BPNT1: variants seen among roughly 807,000 people sequenced by gnomAD.
BPNT1 encodes the protein 3'(2'),5'-bisphosphate nucleotidase 1.
In BPNT1, 28 loss-of-function variants were observed where a neutral mutation model predicts 36.9. That is an observed-to-expected ratio of 0.76 (90% CI 0.56 to 1.04). BPNT1 has a LOEUF of 1.04. BPNT1 is among the 50% of genes least tolerant of loss of function. The pLI is 0.00. For synonymous variants in BPNT1, 119 were observed against 130.9 expected (o/e 0.91, Z 0.62); for missense variants, 313 against 372.9 (o/e 0.84, Z 1.32).
intron 6 of BPNT1, among the ~76,000 whole-genome samples, chr1:220,065,807 C>T (rs1663482685): frequency 6.6e-6 from 1 of 152,142 alleles, no homozygotes; most frequent in African/African-American, 2.4e-5. Flanking sequence ...AAAATTGAAT[C>T]TTTAGCCTGA....
At chr1:220,062,978 A>G (rs755318945) in intron 6 of BPNT1, 24 bp from the exon 7 acceptor site, 2 of 1,609,474 alleles carry the variant, frequency 1.2e-6, no homozygotes, top group Non-Finnish European at 1.7e-6. Flanking sequence ...TGAAACAACA[A>G]GACTTGTGGT....
intron 6 of BPNT1, chr1:220,066,086 C>A: frequency 6.6e-7 from 1 of 1,523,838 alleles, no homozygotes; most frequent in South Asian, 1.2e-5. Context: ...TGCTTCATTC[C>A]TGTGTTCCCT....
At chr1:220,085,073 TAA>T (rs558004798) in intron 1 of BPNT1, among the ~76,000 whole-genome samples, 21 of 141,014 alleles carry the variant, frequency 1.5e-4, no homozygotes, top group Admixed American at 2.1e-4. Context: ...GGTTCTTGGT[TAA>T]AAAAAAAAAA....
intron 1 of BPNT1, among the ~76,000 whole-genome samples, chr1:220,088,866 G>A (rs1417460725): frequency 2.0e-5 from 3 of 151,304 alleles, no homozygotes; most frequent in Admixed American, 6.6e-5. Flanking sequence ...TTGGGAGGCC[G>A]AGACGGGCAG....
chr1:220,086,901 G>A (rs987340880), intron 1 of BPNT1, among the ~76,000 whole-genome samples: 5 of 151,150 alleles, frequency 3.3e-5, no homozygotes, highest in Non-Finnish European at 7.4e-5. Context: ...AAAAAAATGA[G>A]CCGGGCATAT....
Position 220,073,534 on chromosome 1 carries a change from C to T in BPNT1, c.225+433G>A, listed in dbSNP as rs187466874. Among the ~76,000 whole-genome samples the T allele has an allele frequency of 5.9e-5, 9 of 152,258 alleles. No homozygotes were observed. The East Asian group carries it at 9.7e-4, about 16-fold the overall frequency. On this transcript the variant is annotated intron_variant, in intron 3 of 8. Coordinates refer to ENST00000322067, the MANE Select transcript of BPNT1 (RefSeq NM_006085.6). ...GTCTTGAACTCCTGACCTCGTGATT[C>T]GCCCGCCTCAGCCTCCCAAAGTGCT...
intron 1 of BPNT1, among the ~76,000 whole-genome samples, chr1:220,086,357 G>A (rs1250309483): frequency 5.9e-5 from 9 of 151,988 alleles, no homozygotes; most frequent in Admixed American, 1.3e-4. Context: ...TGCAACTTCC[G>A]CCCCCTAGAG....
chr1:220,081,254 G>A (rs1037253279), intron 1 of BPNT1, among the ~76,000 whole-genome samples: 1 of 152,046 alleles, frequency 6.6e-6, no homozygotes, highest in African/African-American at 2.4e-5. Flanking sequence ...TTGAACATAT[G>A]AATTCAGGCC....
At chr1:220,086,698 C>T (rs1444303813) in intron 1 of BPNT1, among the ~76,000 whole-genome samples, 1 of 150,546 alleles carries the variant, frequency 6.6e-6, no homozygotes, top group Non-Finnish European at 1.5e-5. Context: ...GCCTCAGCCT[C>T]TTGAGTAGCT....
chr1:220,078,425 T>C (rs1176614776), intron 2 of BPNT1, among the ~76,000 whole-genome samples: 2 of 141,352 alleles, frequency 1.4e-5, no homozygotes, highest in Admixed American at 7.6e-5. Flanking sequence ...TAATAATAAA[T>C]AATAATTATA....
At chr1:220,068,717 G>A (rs373615818) in intron 5 of BPNT1, among the ~76,000 whole-genome samples, 3 of 152,090 alleles carry the variant, frequency 2.0e-5, no homozygotes, top group African/African-American at 7.2e-5. Flanking sequence ...AGGTGAGGCA[G>A]GAGAACAGCT....
At chr1:220,064,692 A>G (rs1232216105) in intron 6 of BPNT1, among the ~76,000 whole-genome samples, 1 of 152,208 alleles carries the variant, frequency 6.6e-6, no homozygotes, top group East Asian at 1.9e-4. Context: ...CATATGGGGC[A>G]ACAAAGGAGC....
intron 1 of BPNT1, among the ~76,000 whole-genome samples, chr1:220,082,303 C>CGTGAGTA (rs1558102223): frequency 6.6e-6 from 1 of 151,254 alleles, no homozygotes; most frequent in East Asian, 2.0e-4. Flanking sequence ...GCCTCAGCCT[C>CGTGAGTA]GTGAGTAGCT....
Position 220,062,884 on chromosome 1 carries a change from A to G in BPNT1, c.545T>C (p.Leu182Pro). ...VLGLGAFGFQ[L>P]KEVPAGKHII... Reference sequence around the variant, plus strand: ...GTGTTTCCCAGCAGGGACTTCTTTCAGCTGAAACCCAAAGGCGCCTAAACC... The same window carrying G: ...GTGTTTCCCAGCAGGGACTTCTTTCGGCTGAAACCCAAAGGCGCCTAAACC... The change falls in exon 7 of 9, where the codon CTG becomes CCG. Residue 182 changes from leucine (L) to proline (P), a missense_variant. Transcript: ENST00000322067. 6.2e-7 allele frequency: 1 copy of G among 1,614,108 alleles called. No homozygotes were observed. The highest frequency in any genetic ancestry group is 1.6e-4 in the Middle Eastern group (1 of 6,062).
chr1:220,070,491 G>A (rs58786632), intron 4 of BPNT1, among the ~76,000 whole-genome samples: 13,674 of 151,696 alleles, frequency 0.09, 794 homozygotes, highest in East Asian at 0.19. Flanking sequence ...GACTACAGGC[G>A]CCTGCCACCA....
intron 2 of BPNT1, among the ~76,000 whole-genome samples, chr1:220,076,498 C>A (rs1295904605): frequency 2.4e-5 from 3 of 124,912 alleles, no homozygotes; most frequent in Admixed American, 8.3e-5. Flanking sequence ...AAGACTCCAT[C>A]TCAAAAAAAA....
At chr1:220,060,316 A>G (rs1434056684) in intron 7 of BPNT1, among the ~76,000 whole-genome samples, 1 of 152,140 alleles carries the variant, frequency 6.6e-6, no homozygotes, top group Non-Finnish European at 1.5e-5. Context: ...CTCTACTAAA[A>G]ATACAAAAAA....
intron 3 of BPNT1, among the ~76,000 whole-genome samples, chr1:220,073,750 A>T (rs1005999422): frequency 6.6e-6 from 1 of 152,178 alleles, no homozygotes; most frequent in Non-Finnish European, 1.5e-5. Context: ...CATATCTTCT[A>T]TGGTCAATAA....
intron 4 of BPNT1, among the ~76,000 whole-genome samples, chr1:220,071,069 G>A (rs938627001): frequency 7.3e-5 from 11 of 150,796 alleles, no homozygotes; most frequent in East Asian, 2.0e-4. Flanking sequence ...CCTGGGAGGC[G>A]GAGGTTGGTC....
Sources: allele counts gnomAD v4.1 joint callset (sites outside exome capture counted in the v4.1 genomes callset), GRCh38; gene constraint gnomAD v4.1.1; transcripts MANE v1.5; gene names NCBI Gene and HGNC (gene_info 2026-07-23, HGNC 2026-07-21).